Variants in PSMF1 observed in about 807,000 individuals in gnomAD.
The protein encoded by PSMF1 is proteasome inhibitor PI31 subunit.
Under a neutral mutation model 29.3 loss-of-function variants are expected in PSMF1, and 30 were observed. The ratio of observed to expected loss-of-function variants is 1.02; its 90% CI spans 0.77 to 1.39. The LOEUF (loss-of-function observed/expected upper bound fraction) is 1.39, where lower values mean the gene tolerates loss of function less well. PSMF1 is among the 40% of genes most tolerant of loss of function. The pLI is 0.00. For missense variants in PSMF1, 344 were observed against 357.5 expected (o/e 0.96, Z 0.31); for synonymous variants, 134 against 139.7 (o/e 0.96, Z 0.29).
At chr20:1,123,468 T>A (rs538878663) in intron 1 of PSMF1, among the ~76,000 whole-genome samples, 2 of 152,370 alleles carry the variant, frequency 1.3e-5, no homozygotes, top group East Asian at 1.9e-4. Flanking sequence ...TTGTGCTTTT[T>A]AAAATTTTTA....
At chr20:1,140,973 T>C (rs1263416661) in intron 4 of PSMF1, among the ~76,000 whole-genome samples, 1 of 152,234 alleles carries the variant, frequency 6.6e-6, no homozygotes, top group Non-Finnish European at 1.5e-5. Flanking sequence ...AAATATGATA[T>C]ATGCTTACAA....
intron 3 of PSMF1, among the ~76,000 whole-genome samples, chr20:1,127,992 T>A (rs2086181867): frequency 6.6e-6 from 1 of 152,232 alleles, no homozygotes; most frequent in African/African-American, 2.4e-5. Flanking sequence ...AATGATTCAT[T>A]TGTTACAACT....
rs2086773900 is a variant in PSMF1 at position 1,169,992 on chromosome 20, C to T, written c.*4912C>T. Reference sequence around the variant, plus strand: ...TCTCCTGAGATGCTTGCTCTAAGTACACATTAGTACATGCTGGGCCCCAAT... The same window carrying T: ...TCTCCTGAGATGCTTGCTCTAAGTATACATTAGTACATGCTGGGCCCCAAT... On this transcript the variant is annotated 3_prime_UTR_variant, in exon 7 of 7. Transcript: ENST00000335877. Among the ~76,000 whole-genome samples, 1 of 152,164 alleles carries T rather than the reference C, an allele frequency of 6.6e-6. No homozygotes were observed. The highest frequency in any genetic ancestry group is 2.1e-4 in the South Asian group (1 of 4,820).
At chr20:1,131,017 G>A (rs1600146704) in intron 3 of PSMF1, among the ~76,000 whole-genome samples, 1 of 152,108 alleles carries the variant, frequency 6.6e-6, no homozygotes, top group East Asian at 1.9e-4. Flanking sequence ...GCCAGGCCTG[G>A]CCGGCAGAAT....
At position 1,170,229 on chromosome 20, in the gene PSMF1, C is replaced by T. The variant is rs1349454102; in HGVS notation, c.*5149C>T. ...CATTGAATGAGAATCTGCATTTTAA[C>T]AAGTTCTCCATGAGATTTGTGTAAA... On this transcript the variant is annotated 3_prime_UTR_variant, in exon 7 of 7. Transcript: ENST00000335877. 6.6e-6 allele frequency among the ~76,000 whole-genome samples: 1 copy of T among 152,184 alleles called. No homozygotes were observed. Among genetic ancestry groups the T allele is most frequent in the Non-Finnish European group, 1.5e-5 (1 of 68,028 alleles).
chr20:1,134,623 A>T (rs1168259551), intron 3 of PSMF1, among the ~76,000 whole-genome samples: 1 of 152,116 alleles, frequency 6.6e-6, no homozygotes, highest in Non-Finnish European at 1.5e-5. Flanking sequence ...CCCAGGCAGG[A>T]TGGGACAGGT....
At chr20:1,123,685 G>A (rs1182032184) in intron 1 of PSMF1, among the ~76,000 whole-genome samples, 1 of 152,148 alleles carries the variant, frequency 6.6e-6, no homozygotes, top group East Asian at 1.9e-4. Context: ...TATGTACCCT[G>A]TGCACAGGGT....
At chr20:1,157,339 G>A (rs12480278) in intron 4 of PSMF1, among the ~76,000 whole-genome samples, 12,094 of 152,122 alleles carry the variant, frequency 0.08, 563 homozygotes, top group South Asian at 0.13. Flanking sequence ...ACCATCACAT[G>A]TCTACCCCTT....
chr20:1,161,439 C>A, intron 4 of PSMF1: 1 of 446,960 alleles, frequency 2.2e-6, no homozygotes. Context: ...TGTGGGCATC[C>A]ACAAGGACCT....
At chr20:1,158,203 T>C (rs2086618849) in intron 4 of PSMF1, among the ~76,000 whole-genome samples, 1 of 146,294 alleles carries the variant, frequency 6.8e-6, no homozygotes. Context: ...TGTCAATCTT[T>C]TAAAAACTAA....
chr20:1,166,591 A>G lies in PSMF1; in HGVS notation c.*1511A>G. ...GCTGGGCCTGGGTGGGGAGGCTAGC[A>G]TGCGTGGCTCCCTGGGTATTTCTGT... On this transcript the variant is annotated 3_prime_UTR_variant, in exon 7 of 7. Coordinates refer to ENST00000335877, the MANE Select transcript of PSMF1 (RefSeq NM_006814.5). 2 of 310,410 alleles carry G rather than the reference A, an allele frequency of 6.4e-6. No individual in the cohort carries two copies. The highest frequency in any genetic ancestry group is 1.2e-4 in the East Asian group (2 of 16,476). The allele number at this position is 310,410 out of a possible 1,614,324, so 19.2% of individuals were successfully genotyped here.
intron 4 of PSMF1, among the ~76,000 whole-genome samples, chr20:1,137,879 A>T (rs73893245): frequency 6.6e-6 from 1 of 152,186 alleles, no homozygotes; most frequent in East Asian, 1.9e-4. Context: ...GGTGAATGAT[A>T]TGTCTGGGAT....
chr20:1,139,577 C>G (rs746782917), intron 4 of PSMF1, among the ~76,000 whole-genome samples: 21 of 152,126 alleles, frequency 1.4e-4, no homozygotes, highest in Non-Finnish European at 2.5e-4. Flanking sequence ...AACCCCGTCT[C>G]TACTAAAAAT....
At chr20:1,116,512 C>T (rs1037489313), upstream of PSMF1, among the ~76,000 whole-genome samples, 1 of 152,182 alleles carries the variant, frequency 6.6e-6, no homozygotes, top group Admixed American at 6.5e-5. Context: ...AGGCACAGGG[C>T]CAGCTGACAA....
intron 4 of PSMF1, among the ~76,000 whole-genome samples, chr20:1,152,843 T>C (rs1385191889): frequency 6.6e-6 from 1 of 152,208 alleles, no homozygotes; most frequent in East Asian, 1.9e-4. Context: ...GCAAGTTCTT[T>C]TTTTAGCCTG....
upstream of PSMF1, among the ~76,000 whole-genome samples, chr20:1,115,282 G>A (rs1382018139): frequency 3.6e-5 from 4 of 109,638 alleles, no homozygotes; most frequent in African/African-American, 1.1e-4. Context: ...CAAGGGGTGG[G>A]GGTGACGGAG....
chr20:1,139,757 ACG>A (rs1568472388), intron 4 of PSMF1, among the ~76,000 whole-genome samples: 6 of 147,774 alleles, frequency 4.1e-5, no homozygotes, highest in Non-Finnish European at 1.5e-5. Flanking sequence ...AAAAAAAAAA[ACG>A]ATAAAAATCA....
At chr20:1,142,205 C>T (rs111786011) in intron 4 of PSMF1, among the ~76,000 whole-genome samples, 2,492 of 152,224 alleles carry the variant, frequency 0.016, 75 homozygotes, top group African/African-American at 0.057. Flanking sequence ...CCAGCCTGAA[C>T]GACAGAGCGA....
chr20:1,118,950 C>G, intron 1 of PSMF1, 48 bp downstream of exon 1: 2 of 1,601,922 alleles, frequency 1.2e-6, no homozygotes, highest in Non-Finnish European at 1.7e-6. Context: ...GTCTTCTGCC[C>G]AAACTCAGAG....
Sources: allele counts gnomAD v4.1 joint callset (sites outside exome capture counted in the v4.1 genomes callset), GRCh38; gene constraint gnomAD v4.1.1; transcripts MANE v1.5; gene names NCBI Gene and HGNC (gene_info 2026-07-23, HGNC 2026-07-21).